Variants in GPC6 observed in about 807,000 individuals in gnomAD.
GPC6 encodes glypican-6.
A neutral mutation model predicts 55.2 loss-of-function variants in GPC6; 14 were observed. That is an observed-to-expected ratio of 0.25 (90% CI 0.17 to 0.40). GPC6 has a LOEUF of 0.40. GPC6 is among the 10% of genes least tolerant of loss of function. The pLI is 1.00. For missense variants in GPC6, 641 were observed against 708.5 expected, an observed-to-expected ratio of 0.90 and a Z score of 1.08; for synonymous variants, 278 against 259.6, an observed-to-expected ratio of 1.07 and a Z score of -0.68.
chr13:93,578,982 A>G (rs1266692735), intron 2 of GPC6, among the ~76,000 whole-genome samples: 1 of 152,114 alleles, frequency 6.6e-6, no homozygotes, highest in African/African-American at 2.4e-5. Context: ...TTTTAAGTGA[A>G]TAAGTGAATA....
At chr13:94,234,741 T>C (rs1890827396) in intron 4 of GPC6, among the ~76,000 whole-genome samples, 1 of 152,150 alleles carries the variant, frequency 6.6e-6, no homozygotes, top group Admixed American at 6.6e-5. Context: ...TAACAGGCTA[T>C]CAACCAGACG....
chr13:94,104,709 A>G (rs1051425415), intron 4 of GPC6, among the ~76,000 whole-genome samples: 2 of 152,188 alleles, frequency 1.3e-5, no homozygotes, highest in African/African-American at 2.4e-5. Context: ...GTGAACTCCC[A>G]TTCACAATTG....
At chr13:93,689,464 T>C (rs1400760413) in intron 2 of GPC6, among the ~76,000 whole-genome samples, 1 of 151,994 alleles carries the variant, frequency 6.6e-6, no homozygotes, top group Non-Finnish European at 1.5e-5. Flanking sequence ...TTAGGGGGGA[T>C]TAATAGGAGA....
At chr13:93,875,695 C>T (rs1889271536) in intron 3 of GPC6, among the ~76,000 whole-genome samples, 1 of 151,992 alleles carries the variant, frequency 6.6e-6, no homozygotes, top group African/African-American at 2.4e-5. Context: ...GTATGTGACA[C>T]CTGGCAGGTG....
rs80291627 is a variant in GPC6 at position 93,711,906 on chromosome 13, C to T, written c.320-118248C>T. 5.3e-5 allele frequency among the ~76,000 whole-genome samples: 8 copies of T among 151,888 alleles called. No individual in the cohort carries two copies. The East Asian group carries it at 1.4e-3, about 26-fold the overall frequency. On this transcript the variant is annotated intron_variant, in intron 2 of 8. Coordinates refer to ENST00000377047, the MANE Select transcript of GPC6 (RefSeq NM_005708.5). ...TAAGACAATTCACAAGTACATTATACATGGTTCCTTAGAGGATCATGGTGA... is the reference window on the plus strand; with the variant it reads ...TAAGACAATTCACAAGTACATTATATATGGTTCCTTAGAGGATCATGGTGA...
chr13:94,045,500 C>T (rs1365773350), intron 4 of GPC6, among the ~76,000 whole-genome samples: 1 of 151,840 alleles, frequency 6.6e-6, no homozygotes, highest in Non-Finnish European at 1.5e-5. Flanking sequence ...CATAGAAAAA[C>T]CTTTGTTTTG....
chr13:93,467,386 C>A (rs1191366217), intron 1 of GPC6, among the ~76,000 whole-genome samples: 1 of 152,052 alleles, frequency 6.6e-6, no homozygotes, highest in Non-Finnish European at 1.5e-5. Context: ...GAGGGTGGTC[C>A]TGAAAGCTAT....
In GPC6 at chr13:94,182,900, C is replaced by T. The variant is rs530590374; in HGVS notation, c.878-103449C>T. 1.4e-4 allele frequency among the ~76,000 whole-genome samples: 22 copies of T among 152,240 alleles called. 1 individual carries two copies. The South Asian group carries it at 4.6e-3, about 32-fold the overall frequency. On this transcript the variant is annotated intron_variant, in intron 4 of 8. Transcript: ENST00000377047. The stretch of plus-strand genomic sequence containing the variant: ...AAGTGATCCTCCCACCTCAGCCTCC[C>T]AAGTAGCTGGGACTACAGGTGTGTG...
chr13:93,449,297 A>G (rs1339829532), intron 1 of GPC6, among the ~76,000 whole-genome samples: 1 of 152,220 alleles, frequency 6.6e-6, no homozygotes, highest in East Asian at 1.9e-4. Flanking sequence ...AATTACAGGC[A>G]TTGTGGTATT....
At chr13:94,391,493 G>A (rs973481828) in intron 7 of GPC6, among the ~76,000 whole-genome samples, 8 of 151,960 alleles carry the variant, frequency 5.3e-5, no homozygotes, top group Non-Finnish European at 2.9e-5. Flanking sequence ...TGATCTTCAA[G>A]AATTTATAAT....
intron 2 of GPC6, among the ~76,000 whole-genome samples, chr13:93,622,427 C>T (rs889249786): frequency 1.3e-5 from 2 of 151,874 alleles, no homozygotes; most frequent in African/African-American, 4.8e-5. Context: ...TAATAAAACA[C>T]CACGTGTGTA....
intron 1 of GPC6, among the ~76,000 whole-genome samples, chr13:93,471,163 T>G (rs1181756383): frequency 2.6e-5 from 4 of 152,242 alleles, no homozygotes; most frequent in Non-Finnish European, 1.5e-5. Context: ...GTGTTTATTT[T>G]GCTCCTTTTT....
At chr13:93,715,602 T>C (rs1450873311) in intron 2 of GPC6, among the ~76,000 whole-genome samples, 1 of 151,604 alleles carries the variant, frequency 6.6e-6, no homozygotes, top group Non-Finnish European at 1.5e-5. Context: ...CTTATACATA[T>C]ATCCTCTGAA....
intron 3 of GPC6, among the ~76,000 whole-genome samples, chr13:94,017,796 G>A (rs1882527267): frequency 6.6e-6 from 1 of 151,890 alleles, no homozygotes; most frequent in Admixed American, 6.6e-5. Flanking sequence ...ATCTGTCTCA[G>A]CCTTCCGAGT....
At chr13:94,231,269 A>G (rs1890718964) in intron 4 of GPC6, among the ~76,000 whole-genome samples, 1 of 152,126 alleles carries the variant, frequency 6.6e-6, no homozygotes, top group Non-Finnish European at 1.5e-5. Context: ...GGCTATTTGT[A>G]GAGACAGCTC....
At chr13:93,460,793 T>C (rs1405323102) in intron 1 of GPC6, among the ~76,000 whole-genome samples, 2 of 152,178 alleles carry the variant, frequency 1.3e-5, no homozygotes, top group African/African-American at 2.4e-5. Context: ...CATTGTGATA[T>C]GTTGCACCTT....
chr13:93,330,894 T>A (rs1202646964), intron 1 of GPC6, among the ~76,000 whole-genome samples: 2 of 152,204 alleles, frequency 1.3e-5, no homozygotes, highest in Non-Finnish European at 2.9e-5. Context: ...TCATATCTTC[T>A]TACAGTTCTA....
chr13:93,546,794 T>G (rs1566416728), intron 2 of GPC6, among the ~76,000 whole-genome samples: 1 of 152,272 alleles, frequency 6.6e-6, no homozygotes, highest in East Asian at 1.9e-4. Flanking sequence ...ATTTGTTACA[T>G]AAAGCAGGTG....
intron 1 of GPC6, among the ~76,000 whole-genome samples, chr13:93,314,750 T>C (rs546756016): frequency 0.086 from 8,980 of 104,840 alleles, 467 homozygotes; most frequent in African/African-American, 0.21. Flanking sequence ...TGTGTGTGTG[T>C]GTGTGTGCAC....
Sources: allele counts gnomAD v4.1 joint callset (sites outside exome capture counted in the v4.1 genomes callset), GRCh38; gene constraint gnomAD v4.1.1; transcripts MANE v1.5; gene names NCBI Gene and HGNC (gene_info 2026-07-23, HGNC 2026-07-21).